ZFP1: variants seen among roughly 807,000 people sequenced by gnomAD.
ZFP1 encodes the protein ZFP1 zinc finger protein, also known as zinc finger protein 1 homolog.
A neutral mutation model predicts 38.5 loss-of-function variants in ZFP1; 32 were observed. That is an observed-to-expected ratio of 0.83 (90% CI 0.63 to 1.12). The LOEUF is 1.12. ZFP1 is among the 50% of genes most tolerant of loss of function. The probability of loss-of-function intolerance (pLI) is 0.00; values close to 1 mark genes in which losing one functional copy is unlikely to be tolerated. For synonymous variants in ZFP1, 245 were observed against 168.8 expected, an observed-to-expected ratio of 1.45 and a Z score of -3.50; for missense variants, 616 against 480.8, an observed-to-expected ratio of 1.28 and a Z score of -2.63.
Position 75,169,311 on chromosome 16 carries a change from G to T in ZFP1, c.201G>T (p.Ala67=), listed in dbSNP as rs748117598. The T allele has an allele frequency of 1.9e-6, 3 of 1,614,064 alleles. No individual in the cohort carries two copies. The highest frequency in any genetic ancestry group is 2.5e-6 in the Non-Finnish European group (3 of 1,179,992). Residue 67 remains alanine, a synonymous_variant, in exon 4 of 4, where the codon GCG becomes GCT. Coordinates refer to ENST00000570010, the MANE Select transcript of ZFP1 (RefSeq NM_153688.4). ...ACCACAGAAACCCAGACGAGCAGGC[G>T]AGGCAATTTTTAATTCTTAAGAACC... ...ERDHRNPDEQ[A]RQFLILKNQT...
In ZFP1 at chr16:75,160,877, C is replaced by T. The variant is rs369855899; in HGVS notation, c.16-5893C>T. Among the ~76,000 whole-genome samples, 60 of 152,162 alleles carry T rather than the reference C, an allele frequency of 3.9e-4. 1 individual carries two copies. The highest frequency in any genetic ancestry group is 1.4e-3 in the African/African-American group (58 of 41,518). On this transcript the variant is annotated intron_variant, in intron 2 of 3. Transcript: ENST00000570010. ...TCATCAAGCCCCGTTAGAAGGGCTC[C>T]TAACCCCGCTCACAAGGGGAGGAGC... is the stretch of plus-strand genomic sequence containing the variant.
the ZFP1 span, among the ~76,000 whole-genome samples, chr16:75,136,600 G>C: frequency 6.6e-6 from 1 of 152,174 alleles, no homozygotes; most frequent in Non-Finnish European, 1.5e-5. Context: ...TGGGCATGGT[G>C]GCTCAAGCTT....
chr16:75,156,189 C>A (rs1037414191), intron 2 of ZFP1, among the ~76,000 whole-genome samples: 2 of 152,106 alleles, frequency 1.3e-5, no homozygotes, highest in African/African-American at 4.8e-5. Flanking sequence ...TGTGGTGGGT[C>A]ACGCCGGTAA....
chr16:75,131,223 T>C, the ZFP1 span, among the ~76,000 whole-genome samples: 1 of 151,898 alleles, frequency 6.6e-6, no homozygotes, highest in African/African-American at 2.4e-5. Flanking sequence ...CTCAGGAGCA[T>C]GAGGAGGGAA....
At chr16:75,165,236 C>G (rs1274175415) in intron 2 of ZFP1, among the ~76,000 whole-genome samples, 1 of 152,168 alleles carries the variant, frequency 6.6e-6, no homozygotes, top group African/African-American at 2.4e-5. Context: ...AAGGAAAAAT[C>G]TAGTTAGTTA....
At chr16:75,156,432 G>A (rs1258498569) in intron 2 of ZFP1, among the ~76,000 whole-genome samples, 1 of 150,818 alleles carries the variant, frequency 6.6e-6, no homozygotes, top group African/African-American at 2.4e-5. Context: ...ACTCCAGCCT[G>A]GGCAACAGAG....
At chr16:75,161,363 C>G (rs1396015189) in intron 2 of ZFP1, among the ~76,000 whole-genome samples, 1 of 151,960 alleles carries the variant, frequency 6.6e-6, no homozygotes, top group African/African-American at 2.4e-5. Flanking sequence ...GCCACTGCGC[C>G]CGGCCAACAA....
At chr16:75,166,075 G>GT (rs2038064120) in intron 2 of ZFP1, among the ~76,000 whole-genome samples, 1 of 152,088 alleles carries the variant, frequency 6.6e-6, no homozygotes, top group Admixed American at 6.6e-5. Context: ...CTTGTACCTG[G>GT]TATTTTACAG....
the ZFP1 span, among the ~76,000 whole-genome samples, chr16:75,124,047 T>A: frequency 6.6e-6 from 1 of 151,442 alleles, no homozygotes; most frequent in Non-Finnish European, 1.5e-5. Context: ...TAAGCCAAGA[T>A]TGCGCCTCTG....
the ZFP1 span, among the ~76,000 whole-genome samples, chr16:75,123,455 GTATATATATATATATATATATA>G: frequency 1.3e-3 from 112 of 87,250 alleles, 4 homozygotes; most frequent in East Asian, 1.6e-3. Context: ...GTGTGTATAT[GTATATATATATATATATATATA>G]TATATATATA....
At chr16:75,133,862 A>G in the ZFP1 span, among the ~76,000 whole-genome samples, 2 of 152,108 alleles carry the variant, frequency 1.3e-5, no homozygotes, top group Non-Finnish European at 2.9e-5. Context: ...CAGCCTGGCC[A>G]ACATGGTGAA....
At chr16:75,141,426 C>T in the ZFP1 span, among the ~76,000 whole-genome samples, 2 of 151,830 alleles carry the variant, frequency 1.3e-5, no homozygotes, top group African/African-American at 2.4e-5. Flanking sequence ...AGGATGGTCT[C>T]GATCTCCTGA....
intron 2 of ZFP1, among the ~76,000 whole-genome samples, 172 bp downstream of exon 2, chr16:75,153,138 TG>T: frequency 6.6e-6 from 1 of 152,360 alleles, no homozygotes; most frequent in East Asian, 1.9e-4. Flanking sequence ...TGTCTTGCAT[TG>T]GTTATGAATA....
intron 3 of ZFP1, among the ~76,000 whole-genome samples, chr16:75,167,934 A>C (rs1369497866): frequency 6.6e-6 from 1 of 152,154 alleles, no homozygotes; most frequent in African/African-American, 2.4e-5. Flanking sequence ...TCTCTACTAA[A>C]AATACAAAAT....
At chr16:75,165,678 C>T (rs2038035923) in intron 2 of ZFP1, among the ~76,000 whole-genome samples, 1 of 151,880 alleles carries the variant, frequency 6.6e-6, no homozygotes, top group Non-Finnish European at 1.5e-5. Flanking sequence ...TGAGCCTGGC[C>T]ACCTCTGGGG....
chr16:75,167,753 A>C (rs1349569362), intron 3 of ZFP1, among the ~76,000 whole-genome samples: 1 of 152,020 alleles, frequency 6.6e-6, no homozygotes, highest in East Asian at 1.9e-4. Flanking sequence ...ACACACCACC[A>C]TGTCCTGCTA....
At chr16:75,167,620 G>A (rs1344196757) in intron 3 of ZFP1, among the ~76,000 whole-genome samples, 4 of 151,958 alleles carry the variant, frequency 2.6e-5, no homozygotes, top group Non-Finnish European at 5.9e-5. Flanking sequence ...CTTTTTTTGA[G>A]ACAGGGTCTC....
At chr16:75,134,834 G>A in the ZFP1 span, among the ~76,000 whole-genome samples, 3 of 151,978 alleles carry the variant, frequency 2.0e-5, no homozygotes, top group East Asian at 5.8e-4. Context: ...GAGGCGGGCG[G>A]ATCACCTGAG....
At chr16:75,159,845 G>T (rs915396831) in intron 2 of ZFP1, among the ~76,000 whole-genome samples, 7 of 152,178 alleles carry the variant, frequency 4.6e-5, no homozygotes, top group African/African-American at 1.7e-4. Flanking sequence ...TCCCATTGGG[G>T]CATGTTTTAA....
Sources: gnomAD v4.1 joint callset for allele counts (sites outside exome capture counted in the v4.1 genomes callset) on GRCh38, gnomAD v4.1.1 for gene constraint, MANE v1.5 for transcripts, NCBI Gene and HGNC (gene_info 2026-07-23, HGNC 2026-07-21) for gene names.